Variants in B3GALT6 observed in about 807,000 individuals in gnomAD.
The protein encoded by B3GALT6 is GAG GalTII.
B3GALT6 carries 27 observed loss-of-function variants against 23.3 expected under a neutral mutation model. The observed-to-expected ratio is 1.16, with a 90% CI of 0.85 to 1.60. The LOEUF is 1.60. B3GALT6 is among the 40% of genes most tolerant of loss of function. The pLI, the probability that B3GALT6 is intolerant of heterozygous loss-of-function variation, is 0.00. For missense variants in B3GALT6, 554 were observed against 471.1 expected (o/e 1.18, Z -1.63); for synonymous variants, 313 against 232.3 (o/e 1.35, Z -3.16).
At position 1,233,414 on chromosome 1, in the gene B3GALT6, G is replaced by T. The variant is rs988837603; in HGVS notation, c.*146G>T. Reference sequence around the variant, plus strand: ...GCTGCGTCCCGGTCTGCGTTTGGGAGACCCCTGGGGGTTGCCGGGGCAGCG... The same window carrying T: ...GCTGCGTCCCGGTCTGCGTTTGGGATACCCCTGGGGGTTGCCGGGGCAGCG... On this transcript the variant is annotated 3_prime_UTR_variant, in exon 1 of 1. Coordinates refer to ENST00000379198, the MANE Select transcript of B3GALT6 (RefSeq NM_080605.4). 1.2e-5 allele frequency: 13 copies of T among 1,116,256 alleles called. No homozygotes were observed. In the South Asian group the frequency reaches 2.9e-4, roughly 25 times the overall value. 69.1% of individuals were successfully genotyped at this position (1,116,256 alleles called of 1,614,324 possible).
Position 1,233,272 on chromosome 1 carries a change from G to T in B3GALT6, c.*4G>T. The T allele has an allele frequency of 6.9e-7, 1 of 1,443,192 alleles. No homozygotes were observed. 89.4% of individuals were successfully genotyped at this position (1,443,192 alleles called of 1,614,324 possible). ...GAGAAGGGAGGGCATCCCCTGAGCC[G>T]CCGCGGCCCGGCCCTCCGGGACACC... On this transcript the variant is annotated 3_prime_UTR_variant, in exon 1 of 1. Coordinates refer to ENST00000379198, the MANE Select transcript of B3GALT6 (RefSeq NM_080605.4).
Position 1,232,651 on chromosome 1 carries a change from C to T in B3GALT6, c.373C>T (p.Leu125=), listed in dbSNP as rs1421185258. ...CGGGGACCTGCTGCTGCTGCCCGCG[C>T]TGCGCGACGCCTACGAAAACCTCAC... The part of the protein sequence containing the change: ...RHGDLLLLPA[L]RDAYENLTAK... The change falls in exon 1 of 1, where the codon CTG becomes TTG. Residue 125 remains leucine (L), a synonymous_variant. Transcript: ENST00000379198. 4 of 1,304,308 alleles carry T rather than the reference C, an allele frequency of 3.1e-6. No homozygotes were observed. The highest frequency in any genetic ancestry group is 2.4e-5 in the South Asian group (1 of 42,348). 80.8% of individuals were successfully genotyped at this position (1,304,308 alleles called of 1,614,324 possible).
chr1:1,232,795 C>G lies in B3GALT6; in HGVS notation c.517C>G (p.Arg173Gly). The G allele has an allele frequency of 1.5e-6, 2 of 1,344,186 alleles. No homozygotes were observed. Among genetic ancestry groups the G allele is most frequent in the Non-Finnish European group, 1.9e-6 (2 of 1,053,648 alleles). 83.3% of individuals were successfully genotyped at this position (1,344,186 alleles called of 1,614,324 possible). ...CGCGCTGCTGGCCGAGCTGCGCGCC[C>G]GCGAGCCCGCGCGCCGCCGCCGCCT... ...LDALLAELRA[R>G]EPARRRRLYW... The change falls in exon 1 of 1, where the codon CGC (arginine) becomes GGC (glycine). Residue 173 changes from arginine (R) to glycine (G), a missense_variant. By Grantham distance (125) the Arg-to-Gly change is moderately radical. Coordinates refer to ENST00000379198, the MANE Select transcript of B3GALT6 (RefSeq NM_080605.4).
At position 1,232,514 on chromosome 1, in the gene B3GALT6, C is replaced by G. The variant is rs1409554936; in HGVS notation, c.236C>G (p.Thr79Arg). 2.7e-6 allele frequency: 3 copies of G among 1,118,818 alleles called. No individual in the cohort carries two copies. Among genetic ancestry groups the G allele is most frequent in the Admixed American group, 1.0e-4 (2 of 19,856 alleles). 69.3% of individuals were successfully genotyped at this position (1,118,818 alleles called of 1,614,324 possible). ...GAGCGCCGCAGCGTGATCCGCAGCA[C>G]GTGGCTTGCGCGGCGCGGGGCCCCG... ...AAERRSVIRSTWLARRGAPGD... is the reference protein window; with the variant it reads ...AAERRSVIRSRWLARRGAPGD... The change falls in exon 1 of 1, where the codon ACG (threonine) becomes AGG (arginine). Residue 79 changes from threonine to arginine, a missense_variant. Physicochemically the swap from Thr to Arg is moderately conservative, Grantham distance 71. Transcript: ENST00000379198.
In B3GALT6 at chr1:1,233,297, C is replaced by G; in HGVS notation, c.*29C>G. ...GCCGCGGCCCGGCCCTCCGGGACAC[C>G]TGCTTCACCCGGCGGCGCCTTGGGG... On this transcript the variant is annotated 3_prime_UTR_variant, in exon 1 of 1. Coordinates refer to ENST00000379198, the MANE Select transcript of B3GALT6 (RefSeq NM_080605.4). 3 of 1,409,188 alleles carry G rather than the reference C, an allele frequency of 2.1e-6. No individual in the cohort carries two copies. The highest frequency in any genetic ancestry group is 5.6e-5 in the East Asian group (2 of 35,404). 87.3% of individuals were successfully genotyped at this position (1,409,188 alleles called of 1,614,324 possible). A position where few individuals can be genotyped will look rare whatever the true frequency, so the allele number is the denominator to read the frequency against.
chr1:1,233,865 T>C lies in B3GALT6; in HGVS notation c.*597T>C, dbSNP rs913078703. 1 of 166,854 alleles carries C rather than the reference T, an allele frequency of 6.0e-6. No individual in the cohort carries two copies. Among genetic ancestry groups the C allele is most frequent in the African/African-American group, 2.4e-5 (1 of 41,424 alleles). The allele number at this position is 166,854 out of a possible 1,614,324, so 10.3% of individuals were successfully genotyped here. On this transcript the variant is annotated 3_prime_UTR_variant, in exon 1 of 1. Coordinates refer to ENST00000379198, the MANE Select transcript of B3GALT6 (RefSeq NM_080605.4). ...AGAACTTTAAAACTGGCCATCTATC[T>C]TTTCAGTGTACAAGTCACTGAACCC... is the stretch of plus-strand genomic sequence containing the variant.
In B3GALT6 at chr1:1,233,384, T is replaced by G. The variant is rs1638582209; in HGVS notation, c.*116T>G. ...GGCCCCCGTCCCGCAGCCACGCTTG[T>G]GGTCGCTGCGTCCCGGTCTGCGTTT... On this transcript the variant is annotated 3_prime_UTR_variant, in exon 1 of 1. Transcript: ENST00000379198. 3.1e-6 allele frequency: 4 copies of G among 1,282,128 alleles called. No individual in the cohort carries two copies. The highest frequency in any genetic ancestry group is 4.0e-6 in the Non-Finnish European group (4 of 987,970). 79.4% of individuals were successfully genotyped at this position (1,282,128 alleles called of 1,614,324 possible).
rs1638560291 is a variant in B3GALT6 at position 1,232,901 on chromosome 1, A to C, written c.623A>C (p.Tyr208Ser). 2 of 1,559,916 alleles carry C rather than the reference A, an allele frequency of 1.3e-6. No individual in the cohort carries two copies. The highest frequency in any genetic ancestry group is 1.7e-6 in the Non-Finnish European group (2 of 1,164,994). ...GAGGCCGCCTGGCAACTCTGCGACT[A>C]CTACCTGCCCTACGCGCTGGGCGGC... ...WREAAWQLCDYYLPYALGGGY... is the reference protein window; with the variant it reads ...WREAAWQLCDSYLPYALGGGY... The change falls in exon 1 of 1, where the codon TAC (tyrosine) becomes TCC (serine). Residue 208 changes from tyrosine to serine, a missense_variant. Coordinates refer to ENST00000379198, the MANE Select transcript of B3GALT6 (RefSeq NM_080605.4).
chr1:1,232,993 C>A lies in B3GALT6; in HGVS notation c.715C>A (p.His239Asn). Reference sequence around the variant, plus strand: ...CAGCCGCGACTACCTGCGCGCCTGGCACAGCGAGGACGTGTCTCTGGGCGC... The same window carrying A: ...CAGCCGCGACTACCTGCGCGCCTGGAACAGCGAGGACGTGTCTCTGGGCGC... Reference protein sequence around the residue: ...RLSRDYLRAWHSEDVSLGAWL... With the variant: ...RLSRDYLRAWNSEDVSLGAWL... The change falls in exon 1 of 1, where the codon CAC becomes AAC. Residue 239 changes from histidine (H) to asparagine (N), a missense_variant. Transcript: ENST00000379198. 1 of 1,563,414 alleles carries A rather than the reference C, an allele frequency of 6.4e-7. No individual in the cohort carries two copies. Among genetic ancestry groups the A allele is most frequent in the Admixed American group, 1.8e-5 (1 of 55,156 alleles).
Position 1,233,076 on chromosome 1 carries a change from C to T in B3GALT6, c.798C>T (p.Tyr266=), listed in dbSNP as rs937667251. The T allele has an allele frequency of 1.4e-5, 22 of 1,555,296 alleles. No individual in the cohort carries two copies. The highest frequency in any genetic ancestry group is 1.9e-5 in the Non-Finnish European group (22 of 1,154,910). The change falls in exon 1 of 1, where the codon TAC becomes TAT. Residue 266 remains tyrosine (Y), a synonymous_variant. Transcript: ENST00000379198. The part of the protein sequence containing the change: ...REHDPRFDTE[Y]RSRGCSNQYL... ...ACGACCCGCGCTTCGACACCGAATA[C>T]CGGTCCCGCGGCTGCAGCAACCAGT... is the stretch of plus-strand genomic sequence containing the variant.
In B3GALT6 at chr1:1,234,318, G is replaced by A. The variant is rs1392307927; in HGVS notation, c.*1050G>A. The A allele has an allele frequency of 6.0e-6, 1 of 167,036 alleles. No individual in the cohort carries two copies. The highest frequency in any genetic ancestry group is 2.4e-5 in the African/African-American group (1 of 41,438). The allele number at this position is 167,036 out of a possible 1,614,324, so 10.3% of individuals were successfully genotyped here. ...TCAGGGTCAGGCTCGGGGCAGGGCT[G>A]GGTTAGGCTCCGGGTCAGTCTTGCC... On this transcript the variant is annotated 3_prime_UTR_variant, in exon 1 of 1. Transcript: ENST00000379198.
chr1:1,233,628 C>T lies in B3GALT6; in HGVS notation c.*360C>T, dbSNP rs112561513. 7 of 243,382 alleles carry T rather than the reference C, an allele frequency of 2.9e-5. No individual in the cohort carries two copies. Among genetic ancestry groups the T allele is most frequent in the African/African-American group, 1.4e-4 (6 of 44,144 alleles). The allele number at this position is 243,382 out of a possible 1,614,324, so 15.1% of individuals were successfully genotyped here. ...ACGTGGTTTCACATCAATCCGCTTT[C>T]ATGGGATTTTGGTCTCTGTCCAGTG... On this transcript the variant is annotated 3_prime_UTR_variant, in exon 1 of 1. Coordinates refer to ENST00000379198, the MANE Select transcript of B3GALT6 (RefSeq NM_080605.4).
At position 1,232,556 on chromosome 1, in the gene B3GALT6, G is replaced by A. The variant is rs1193662924; in HGVS notation, c.278G>A (p.Arg93His). 1 of 1,174,864 alleles carries A rather than the reference G, an allele frequency of 8.5e-7. No individual in the cohort carries two copies. The highest frequency in any genetic ancestry group is 1.1e-6 in the Non-Finnish European group (1 of 951,840). 72.8% of individuals were successfully genotyped at this position (1,174,864 alleles called of 1,614,324 possible). Residue 93 changes from arginine (R) to histidine (H), a missense_variant, in exon 1 of 1, where the codon CGC (arginine) becomes CAC (histidine). Coordinates refer to ENST00000379198, the MANE Select transcript of B3GALT6 (RefSeq NM_080605.4). ...GGGGCCCCGGGCGACGTGTGGGCGC[G>A]CTTTGCCGTGGGCACGGCCGGCCTG... is the stretch of plus-strand genomic sequence containing the variant. ...RRGAPGDVWARFAVGTAGLGA... is the reference protein window; with the variant it reads ...RRGAPGDVWAHFAVGTAGLGA...
In B3GALT6 at chr1:1,232,257, C is replaced by G. The variant is rs1638527131; in HGVS notation, c.-22C>G. 1.0e-6 allele frequency: 1 copy of G among 980,624 alleles called. No homozygotes were observed. The highest frequency in any genetic ancestry group is 1.2e-6 in the Non-Finnish European group (1 of 828,238). 60.7% of individuals were successfully genotyped at this position (980,624 alleles called of 1,614,324 possible). A position where few individuals can be genotyped will look rare whatever the true frequency, so the allele number is the denominator to read the frequency against. Reference sequence around the variant, plus strand: ...TGCGCACTCGCGAGTCCGGCCTGGGCCGCCGGCCCGGCGCGGGCGCCATGA... The same window carrying G: ...TGCGCACTCGCGAGTCCGGCCTGGGGCGCCGGCCCGGCGCGGGCGCCATGA... On this transcript the variant is annotated 5_prime_UTR_variant, in exon 1 of 1. Coordinates refer to ENST00000379198, the MANE Select transcript of B3GALT6 (RefSeq NM_080605.4).
At position 1,232,654 on chromosome 1, in the gene B3GALT6, C is replaced by T. The variant is rs1298410447; in HGVS notation, c.376C>T (p.Arg126Cys). ...GGACCTGCTGCTGCTGCCCGCGCTGCGCGACGCCTACGAAAACCTCACGGC... is the reference window on the plus strand; with the variant it reads ...GGACCTGCTGCTGCTGCCCGCGCTGTGCGACGCCTACGAAAACCTCACGGC... ...HGDLLLLPAL[R>C]DAYENLTAKV... Residue 126 changes from arginine (R) to cysteine (C), a missense_variant, in exon 1 of 1, where the codon CGC (arginine) becomes TGC (cysteine). Transcript: ENST00000379198. 1.5e-6 allele frequency: 2 copies of T among 1,315,586 alleles called. No homozygotes were observed. Among genetic ancestry groups the T allele is most frequent in the East Asian group, 3.0e-5 (1 of 33,574 alleles). The allele number at this position is 1,315,586 out of a possible 1,614,324, so 81.5% of individuals were successfully genotyped here.
chr1:1,232,988 C>A lies in B3GALT6; in HGVS notation c.710C>A (p.Ala237Asp), dbSNP rs1416444377. 6.4e-7 allele frequency: 1 copy of A among 1,564,004 alleles called. No individual in the cohort carries two copies. The highest frequency in any genetic ancestry group is 8.6e-7 in the Non-Finnish European group (1 of 1,162,168). ...YLRLSRDYLR[A>D]WHSEDVSLGA... ...CGCCTCAGCCGCGACTACCTGCGCG[C>A]CTGGCACAGCGAGGACGTGTCTCTG... Residue 237 changes from alanine to aspartate, a missense_variant, in exon 1 of 1, where the codon GCC becomes GAC. By Grantham distance (126) the Ala-to-Asp change is moderately radical (BLOSUM62 -2). Transcript: ENST00000379198.
Position 1,232,887 on chromosome 1 carries a change from G to T in B3GALT6, c.609G>T (p.Trp203Cys), listed in dbSNP as rs1170976606. The T allele has an allele frequency of 1.3e-6, 2 of 1,555,738 alleles. No individual in the cohort carries two copies. Among genetic ancestry groups the T allele is most frequent in the Non-Finnish European group, 1.7e-6 (2 of 1,163,452 alleles). ...KPGGRWREAAWQLCDYYLPYA... is the reference protein window; with the variant it reads ...KPGGRWREAACQLCDYYLPYA... Reference sequence around the variant, plus strand: ...GGGGGCGCTGGCGCGAGGCCGCCTGGCAACTCTGCGACTACTACCTGCCCT... The same window carrying T: ...GGGGGCGCTGGCGCGAGGCCGCCTGTCAACTCTGCGACTACTACCTGCCCT... Residue 203 changes from tryptophan to cysteine, a missense_variant, in exon 1 of 1, where the codon TGG becomes TGT. Trp to Cys is a radical substitution (Grantham distance 215). Transcript: ENST00000379198.
chr1:1,234,763 A>C lies in B3GALT6; in HGVS notation c.*1495A>C, dbSNP rs1451201998. On this transcript the variant is annotated 3_prime_UTR_variant, in exon 1 of 1. Transcript: ENST00000379198. The stretch of plus-strand genomic sequence containing the variant: ...CTTCTCTGGAGTTTGGAATTGCTTG[A>C]GGAACCCTGCGTGTGCTTGGAGAGG... 6.0e-6 allele frequency: 1 copy of C among 166,876 alleles called. No homozygotes were observed. Among genetic ancestry groups the C allele is most frequent in the Non-Finnish European group, 1.5e-5 (1 of 68,122 alleles). 10.3% of individuals were successfully genotyped at this position (166,876 alleles called of 1,614,324 possible). A position where few individuals can be genotyped will look rare whatever the true frequency, so the allele number is the denominator to read the frequency against.
In B3GALT6 at chr1:1,233,115, C is replaced by A. The variant is rs969363906; in HGVS notation, c.837C>A (p.His279Gln). Reference sequence around the variant, plus strand: ...GCAGCAACCAGTACCTGGTGACGCACAAGCAGAGCCTGGAGGACATGCTGG... The same window carrying A: ...GCAGCAACCAGTACCTGGTGACGCAAAAGCAGAGCCTGGAGGACATGCTGG... ...RGCSNQYLVT[H>Q]KQSLEDMLEK... Residue 279 changes from histidine to glutamine, a missense_variant, in exon 1 of 1, where the codon CAC becomes CAA. By Grantham distance (24) the His-to-Gln change is conservative. Transcript: ENST00000379198. 1 of 1,563,242 alleles carries A rather than the reference C, an allele frequency of 6.4e-7. No individual in the cohort carries two copies. Among genetic ancestry groups the A allele is most frequent in the Non-Finnish European group, 8.6e-7 (1 of 1,158,908 alleles).
Sources: allele counts gnomAD v4.1 joint callset, GRCh38; gene constraint gnomAD v4.1.1; transcripts MANE v1.5; gene names NCBI Gene and HGNC (gene_info 2026-07-23, HGNC 2026-07-21).